SCFD1: variants seen among roughly 807,000 people sequenced by gnomAD.
The protein encoded by SCFD1 is sec1 family domain containing 1.
Under a neutral mutation model 103.2 loss-of-function variants are expected in SCFD1, and 37 were observed. The ratio of observed to expected loss-of-function variants is 0.36; its 90% CI spans 0.28 to 0.47. The LOEUF (loss-of-function observed/expected upper bound fraction) is 0.47. SCFD1 is among the 20% of genes least tolerant of loss of function. SCFD1 has a pLI of 1.00. For synonymous variants in SCFD1, 264 were observed against 245.0 expected, an observed-to-expected ratio of 1.08 and a Z score of -0.73; for missense variants, 639 against 761.2, an observed-to-expected ratio of 0.84 and a Z score of 1.89.
intron 14 of SCFD1, among the ~76,000 whole-genome samples, chr14:30,678,614 C>T (rs1400437139): frequency 6.6e-6 from 1 of 152,092 alleles, no homozygotes; most frequent in Non-Finnish European, 1.5e-5. Context: ...TCTTAGCTCA[C>T]CTATGTAGCA....
intron 4 of SCFD1, among the ~76,000 whole-genome samples, chr14:30,637,326 C>T (rs537634914): frequency 1.3e-5 from 2 of 152,138 alleles, no homozygotes; most frequent in South Asian, 4.1e-4. Flanking sequence ...GAGTGAAAAA[C>T]ATGGTTCCCA....
intron 10 of SCFD1, among the ~76,000 whole-genome samples, chr14:30,654,267 C>T (rs1198133657): frequency 6.6e-6 from 1 of 152,224 alleles, no homozygotes; most frequent in Non-Finnish European, 1.5e-5. Context: ...GAACTCAAAT[C>T]ATGGGCTTTG....
intron 11 of SCFD1, among the ~76,000 whole-genome samples, chr14:30,672,772 A>T (rs558402115): frequency 1.3e-5 from 2 of 152,258 alleles, no homozygotes; most frequent in Non-Finnish European, 2.9e-5. Flanking sequence ...GTGTTCTGGG[A>T]TATTATGAGT....
At chr14:30,719,257 C>A (rs376755401) in intron 20 of SCFD1, 68 bp from the exon 21 acceptor site, 2 of 979,094 alleles carry the variant, frequency 2.0e-6, no homozygotes, top group Non-Finnish European at 3.2e-6. Flanking sequence ...AAATAGGATA[C>A]TCTAAGCCAA....
At chr14:30,722,314 CA>C (rs2139413309) in intron 22 of SCFD1, among the ~76,000 whole-genome samples, 179 bp from the exon 23 acceptor site, 1 of 152,212 alleles carries the variant, frequency 6.6e-6, no homozygotes, top group South Asian at 2.1e-4. Flanking sequence ...ATCTCTTCTT[CA>C]TACTACTCAA....
At chr14:30,662,605 T>C (rs1258961149) in intron 10 of SCFD1, among the ~76,000 whole-genome samples, 1 of 152,228 alleles carries the variant, frequency 6.6e-6, no homozygotes, top group Non-Finnish European at 1.5e-5. Context: ...AGTACATCTG[T>C]TGAAACAATA....
intron 14 of SCFD1, among the ~76,000 whole-genome samples, chr14:30,684,244 C>T (rs1452809992): frequency 6.6e-6 from 1 of 152,186 alleles, no homozygotes; most frequent in African/African-American, 2.4e-5. Context: ...CTCCTGGGCT[C>T]AAGTGATCCT....
chr14:30,721,976 T>G, intron 22 of SCFD1, 59 bp downstream of exon 22: 1 of 1,224,886 alleles, frequency 8.2e-7, no homozygotes, highest in South Asian at 1.2e-5. Context: ...GTGACCAATC[T>G]TGAAGACTGT....
At position 30,653,094 on chromosome 14, in the gene SCFD1, G is replaced by A. The variant is rs139134047; in HGVS notation, c.756-395G>A. On this transcript the variant is annotated intron_variant, in intron 9 of 24. Coordinates refer to ENST00000458591, the MANE Select transcript of SCFD1 (RefSeq NM_016106.4). ...AGCATTACTGTAATTGTGTGACCAC[G>A]TTAAATTTGTTTTTTAAAAGCCAGC... is the stretch of plus-strand genomic sequence containing the variant. 1.4e-4 allele frequency among the ~76,000 whole-genome samples: 21 copies of A among 152,202 alleles called. No homozygotes were observed. In the East Asian group the frequency reaches 2.5e-3, roughly 18 times the overall value.
chr14:30,708,217 A>C (rs1891608856), intron 19 of SCFD1, 152 bp downstream of exon 19: 2 of 596,672 alleles, frequency 3.4e-6, no homozygotes, highest in Non-Finnish European at 6.0e-6. Context: ...TCTGGGGTAC[A>C]TGTGCAGGGT....
Position 30,719,273 on chromosome 14 carries a change from CCTT to C in SCFD1, c.1684-49_1684-47del, listed in dbSNP as rs1238955473. 1.0e-5 allele frequency: 12 copies of C among 1,153,628 alleles called. No homozygotes were observed. In the East Asian group the frequency reaches 2.1e-4, roughly 20 times the overall value. The allele number at this position is 1,153,628 out of a possible 1,614,324, so 71.5% of individuals were successfully genotyped here. A position where few individuals can be genotyped will look rare whatever the true frequency, so the allele number is the denominator to read the frequency against. On this transcript the variant is annotated intron_variant, in intron 20 of 24. Transcript: ENST00000458591. ...AATAGGATACTCTAAGCCAAACTGA[CCTT>C]CTGAAGAGAAATTCCACAGTCATGG... is the stretch of plus-strand genomic sequence containing the variant.
At chr14:30,659,467 C>A (rs906805923) in intron 10 of SCFD1, among the ~76,000 whole-genome samples, 3 of 152,124 alleles carry the variant, frequency 2.0e-5, no homozygotes, top group Non-Finnish European at 4.4e-5. Context: ...CAGTGCAATT[C>A]TAAATCATAA....
chr14:30,723,050 G>A (rs1181301833), intron 23 of SCFD1, among the ~76,000 whole-genome samples: 1 of 152,084 alleles, frequency 6.6e-6, no homozygotes, highest in African/African-American at 2.4e-5. Flanking sequence ...CAAAAAGGAA[G>A]GAAGGAAGGG....
At chr14:30,692,755 T>C (rs1379403259) in intron 14 of SCFD1, among the ~76,000 whole-genome samples, 2 of 152,190 alleles carry the variant, frequency 1.3e-5, no homozygotes, top group Non-Finnish European at 2.9e-5. Context: ...TTTTAGCACC[T>C]TTCCCCTTCC....
chr14:30,641,452 G>A (rs981457078), intron 6 of SCFD1, among the ~76,000 whole-genome samples: 11 of 152,102 alleles, frequency 7.2e-5, no homozygotes, highest in Admixed American at 3.3e-4. Flanking sequence ...TAGGATATAG[G>A]ACTCAAGGGC....
chr14:30,700,568 G>A (rs910867040), intron 16 of SCFD1, among the ~76,000 whole-genome samples: 3 of 152,196 alleles, frequency 2.0e-5, no homozygotes, highest in South Asian at 2.1e-4. Context: ...CAGCTGCTGG[G>A]GAGGCTGAGG....
intron 18 of SCFD1, among the ~76,000 whole-genome samples, chr14:30,706,330 C>T (rs775006530): frequency 4.6e-5 from 7 of 152,126 alleles, no homozygotes; most frequent in Admixed American, 1.3e-4. Flanking sequence ...CACATACATA[C>T]ATTTAATTGC....
At chr14:30,682,807 A>T (rs911994671) in intron 14 of SCFD1, among the ~76,000 whole-genome samples, 2 of 152,210 alleles carry the variant, frequency 1.3e-5, no homozygotes, top group African/African-American at 4.8e-5. Context: ...GGTGTAGGTG[A>T]TATTCTAAAA....
intron 20 of SCFD1, among the ~76,000 whole-genome samples, chr14:30,717,619 C>T (rs1175904519): frequency 6.6e-6 from 1 of 151,972 alleles, no homozygotes; most frequent in Non-Finnish European, 1.5e-5. Flanking sequence ...AAGCATTTTG[C>T]GGTGGTTCAA....
Sources: gnomAD v4.1 joint callset for allele counts (sites outside exome capture counted in the v4.1 genomes callset) on GRCh38, gnomAD v4.1.1 for gene constraint, MANE v1.5 for transcripts, NCBI Gene and HGNC (gene_info 2026-07-23, HGNC 2026-07-21) for gene names.